The following CACNA1A variants were observed in gnomAD, a reference collection of about 807,000 sequenced individuals.
CACNA1A encodes the protein calcium voltage-gated channel subunit alpha1 A, also known as voltage-dependent P/Q-type calcium channel subunit alpha-1A.
In CACNA1A, 57 loss-of-function variants were observed where a neutral mutation model predicts 262.4. The observed-to-expected ratio is 0.22, with a 90% CI of 0.18 to 0.27. The LOEUF (loss-of-function observed/expected upper bound fraction) is 0.27, where lower values mean the gene tolerates loss of function less well. CACNA1A is among the 10% of genes least tolerant of loss of function. CACNA1A has a pLI of 1.00. For missense variants in CACNA1A, 2,526 were observed against 3,562.8 expected, an observed-to-expected ratio of 0.71 and a Z score of 7.41; for synonymous variants, 1,431 against 1,419.3, an observed-to-expected ratio of 1.01 and a Z score of -0.18.
intron 6 of CACNA1A, among the ~76,000 whole-genome samples, chr19:13,343,669 C>G (rs1341537387): frequency 6.6e-6 from 1 of 152,028 alleles, no homozygotes. Flanking sequence ...AAATCAATAC[C>G]AAGAAGAATT....
intron 24 of CACNA1A, among the ~76,000 whole-genome samples, chr19:13,267,936 A>AT (rs1201395597): frequency 6.6e-6 from 1 of 151,808 alleles, no homozygotes; most frequent in Non-Finnish European, 1.5e-5. Flanking sequence ...AAATTTTTCC[A>AT]TTTTTTGTAG....
intron 5 of CACNA1A, among the ~76,000 whole-genome samples, chr19:13,360,021 T>G (rs372653519): frequency 2.7e-5 from 4 of 150,310 alleles, no homozygotes; most frequent in African/African-American, 4.9e-5. Flanking sequence ...ATGTTTTCCA[T>G]GAGTTTTTTT....
intron 19 of CACNA1A, among the ~76,000 whole-genome samples, chr19:13,296,971 C>G (rs1336380983): frequency 6.6e-6 from 1 of 150,422 alleles, no homozygotes. Flanking sequence ...ATTGCCCAGA[C>G]TGGTCTCCAA....
At chr19:13,370,624 TG>T (rs1366054621) in intron 4 of CACNA1A, among the ~76,000 whole-genome samples, 1 of 151,000 alleles carries the variant, frequency 6.6e-6, no homozygotes, top group Non-Finnish European at 1.5e-5. Context: ...GGTTTCGCCA[TG>T]TTGCCCAGGC....
At chr19:13,331,370 G>A (rs912013999) in intron 9 of CACNA1A, among the ~76,000 whole-genome samples, 1 of 151,910 alleles carries the variant, frequency 6.6e-6, no homozygotes, top group Admixed American at 6.6e-5. Flanking sequence ...CTGAGTAGCT[G>A]GGATTACAGG....
chr19:13,442,484 G>A (rs1480967768), intron 3 of CACNA1A, among the ~76,000 whole-genome samples: 1 of 152,206 alleles, frequency 6.6e-6, no homozygotes, highest in African/African-American at 2.4e-5. Flanking sequence ...AGAGGAAGCT[G>A]CAGGTGAACT....
chr19:13,417,889 C>CAA (rs113789898), intron 3 of CACNA1A, among the ~76,000 whole-genome samples: 1,554 of 83,326 alleles, frequency 0.019, 48 homozygotes, highest in African/African-American at 0.071. Flanking sequence ...GACTCCATCT[C>CAA]AAAAAAAAAA....
rs531798368 is a variant in CACNA1A, at chr19:13,283,548, C to A, written c.3693-152G>T. ...ACTATTAAACTCCTCCAGGTGGGGGCCCTCTCTGGGTCCTGGAACCCCAAG... is the reference window on the plus strand; with the variant it reads ...ACTATTAAACTCCTCCAGGTGGGGGACCTCTCTGGGTCCTGGAACCCCAAG... On this transcript the variant is annotated intron_variant, in intron 21 of 46. Coordinates refer to ENST00000360228, the MANE Select transcript of CACNA1A (RefSeq NM_001127222.2). The A allele has an allele frequency of 6.1e-6, 6 of 982,144 alleles. No individual in the cohort carries two copies. The South Asian group carries it at 6.8e-5, about 11-fold the overall frequency. The allele number at this position is 982,144 out of a possible 1,614,324, so 60.8% of individuals were successfully genotyped here. A position where few individuals can be genotyped will look rare whatever the true frequency, so the allele number is the denominator to read the frequency against.
intron 30 of CACNA1A, among the ~76,000 whole-genome samples, chr19:13,246,953 C>A (rs569784341): frequency 1.3e-5 from 2 of 152,284 alleles, no homozygotes; most frequent in Middle Eastern, 3.4e-3. Context: ...TGGAAATACT[C>A]CACATTGTTT....
chr19:13,438,038 G>A (rs2060645004), intron 3 of CACNA1A, among the ~76,000 whole-genome samples: 1 of 152,208 alleles, frequency 6.6e-6, no homozygotes, highest in Admixed American at 6.5e-5. Flanking sequence ...AGGAGGCTGT[G>A]TAATCATTCC....
At chr19:13,403,107 C>A (rs2059938604) in intron 3 of CACNA1A, among the ~76,000 whole-genome samples, 1 of 151,410 alleles carries the variant, frequency 6.6e-6, no homozygotes, top group Admixed American at 6.6e-5. Flanking sequence ...TTCCCTTTAC[C>A]CGACTTTACT....
intron 1 of CACNA1A, among the ~76,000 whole-genome samples, chr19:13,456,486 C>T (rs553180154): frequency 6.6e-6 from 1 of 151,982 alleles, no homozygotes; most frequent in Non-Finnish European, 1.5e-5. Context: ...TCCTGGCTAA[C>T]ACGGTGAAAC....
chr19:13,309,209 T>C (rs1457333518), intron 12 of CACNA1A, among the ~76,000 whole-genome samples: 1 of 151,662 alleles, frequency 6.6e-6, no homozygotes, highest in Non-Finnish European at 1.5e-5. Flanking sequence ...GGGGTTTCAC[T>C]GTGTTGGCCA....
In CACNA1A at chr19:13,473,920, G is replaced by C. The variant is rs139616339; in HGVS notation, c.294-18708C>G. 1.8e-4 allele frequency among the ~76,000 whole-genome samples: 27 copies of C among 152,216 alleles called. No individual in the cohort carries two copies. The East Asian group carries it at 5.2e-3, about 29-fold the overall frequency. The stretch of plus-strand genomic sequence containing the variant: ...TTAAACAGATTTTCTGGAAAGCCCC[G>C]GCCTCCCAATGAAACCTCCCTCACT... On this transcript the variant is annotated intron_variant, in intron 1 of 46. Coordinates refer to ENST00000360228, the MANE Select transcript of CACNA1A (RefSeq NM_001127222.2).
At chr19:13,208,707 C>G (rs1236152846) in intron 46 of CACNA1A, 49 bp downstream of exon 46, 1 of 1,521,730 alleles carries the variant, frequency 6.6e-7, no homozygotes, top group Non-Finnish European at 8.8e-7. Context: ...TTCTCTCCTC[C>G]CCGCCTCCCG....
chr19:13,320,747 G>T (rs1031051926), intron 10 of CACNA1A, among the ~76,000 whole-genome samples: 3 of 151,778 alleles, frequency 2.0e-5, no homozygotes, highest in Non-Finnish European at 4.4e-5. Context: ...CCTGTCTCTC[G>T]TTTTTCTCTG....
chr19:13,338,528 ACT>A (rs1353931739), intron 6 of CACNA1A, among the ~76,000 whole-genome samples: 1 of 149,112 alleles, frequency 6.7e-6, no homozygotes, highest in Non-Finnish European at 1.5e-5. Flanking sequence ...AACAATCCAC[ACT>A]GTTATCAATA....
intron 24 of CACNA1A, among the ~76,000 whole-genome samples, chr19:13,264,738 A>G (rs528923785): frequency 6.6e-6 from 1 of 152,156 alleles, no homozygotes; most frequent in South Asian, 2.1e-4. Flanking sequence ...CTGACTGCCT[A>G]CCTCTGGCTC....
chr19:13,466,400 G>C (rs562659064), intron 1 of CACNA1A, among the ~76,000 whole-genome samples: 17 of 151,408 alleles, frequency 1.1e-4, no homozygotes, highest in Admixed American at 4.6e-4. Context: ...GAGTGCAGTG[G>C]CACGATCTTG....
Sources: gnomAD v4.1 joint callset for allele counts (sites outside exome capture counted in the v4.1 genomes callset) on GRCh38, gnomAD v4.1.1 for gene constraint, MANE v1.5 for transcripts, NCBI Gene and HGNC (gene_info 2026-07-23, HGNC 2026-07-21) for gene names.